The following DHRS3 variants were observed in gnomAD, a reference collection of about 807,000 sequenced individuals.
The protein encoded by DHRS3 is short-chain dehydrogenase/reductase 3.
In DHRS3, 14 loss-of-function variants were observed where a neutral mutation model predicts 27.2. That is an observed-to-expected ratio of 0.52 (90% confidence interval 0.34 to 0.81). The LOEUF (loss-of-function observed/expected upper bound fraction) is 0.81, where lower values mean the gene tolerates loss of function less well. DHRS3 is among the 30% of genes least tolerant of loss of function. DHRS3 has a pLI of 0.01. For synonymous variants in DHRS3, 165 were observed against 175.9 expected, an observed-to-expected ratio of 0.94 and a Z score of 0.49; for missense variants, 322 against 406.2, an observed-to-expected ratio of 0.79 and a Z score of 1.78.
intron 1 of DHRS3, among the ~76,000 whole-genome samples, chr1:12,588,126 T>C (rs903593111): frequency 4.6e-5 from 7 of 152,222 alleles, no homozygotes; most frequent in African/African-American, 1.7e-4. Flanking sequence ...CGGCCCGGGC[T>C]GTTTTTCTCT....
chr1:12,601,215 C>G (rs1044072341), intron 1 of DHRS3, among the ~76,000 whole-genome samples: 5 of 152,102 alleles, frequency 3.3e-5, no homozygotes, highest in Non-Finnish European at 1.5e-5. Context: ...ACTCCCAAAC[C>G]CTATGGCTTG....
intron 2 of DHRS3, 140 bp from the exon 3 acceptor site, chr1:12,579,552 T>C (rs1646625919): frequency 1.2e-5 from 15 of 1,293,696 alleles, no homozygotes; most frequent in African/African-American, 1.5e-5. Flanking sequence ...CTCGGCTCAC[T>C]GCCACCTCCG....
chr1:12,580,398 G>T, intron 2 of DHRS3, 125 bp downstream of exon 2: 1 of 1,369,218 alleles, frequency 7.3e-7, no homozygotes, highest in Non-Finnish European at 1.0e-6. Context: ...GTCCCCAAAG[G>T]TGCCCCGGGC....
intron 4 of DHRS3, among the ~76,000 whole-genome samples, chr1:12,577,749 G>A (rs997017735): frequency 6.6e-6 from 1 of 152,196 alleles, no homozygotes; most frequent in Non-Finnish European, 1.5e-5. Flanking sequence ...CTTGAACCCA[G>A]GAGGTGGAGG....
chr1:12,595,346 G>C (rs761512971), intron 1 of DHRS3, among the ~76,000 whole-genome samples: 52 of 152,132 alleles, frequency 3.4e-4, no homozygotes, highest in Non-Finnish European at 6.2e-4. Context: ...AAGCCTCAGC[G>C]GGTCGGGCAG....
In DHRS3 at chr1:12,617,562, G is replaced by C. The variant is rs1646953584; in HGVS notation, c.-214C>G. 1 of 451,128 alleles carries C rather than the reference G, an allele frequency of 2.2e-6. No homozygotes were observed. The highest frequency in any genetic ancestry group is 4.1e-5 in the Admixed American group (1 of 24,182). 27.9% of individuals were successfully genotyped at this position (451,128 alleles called of 1,614,324 possible). A position where few individuals can be genotyped will look rare whatever the true frequency, so the allele number is the denominator to read the frequency against. ...AAAAGATAAATTCTCCTCTGGGGGA[G>C]AAAAAGCGTCTCCTAAGGTTGGGAC... On this transcript the variant is annotated 5_prime_UTR_variant, in exon 1 of 6. Transcript: ENST00000616661.
At position 12,617,753 on chromosome 1, in the gene DHRS3, C is replaced by T. The variant is rs1221798185; in HGVS notation, c.-405G>A. 1 of 134,094 alleles carries T rather than the reference C, an allele frequency of 7.5e-6. No homozygotes were observed. The highest frequency in any genetic ancestry group is 2.9e-5 in the African/African-American group (1 of 34,210). The allele number at this position is 134,094 out of a possible 1,614,324, so 8.3% of individuals were successfully genotyped here. On this transcript the variant is annotated 5_prime_UTR_variant, in exon 1 of 6. It adds an upstream start codon to the 5' untranslated region. Coordinates refer to ENST00000616661, the MANE Select transcript of DHRS3 (RefSeq NM_004753.7). ...AAAAGGCACCAACCACACGCGCGCA[C>T]CCTGCCTCGGTCCCGCGGTTTCAAA...
rs1646750340 is a variant in DHRS3 at position 12,591,963 on chromosome 1, C to T, written c.196-11297G>A. ...AGGCATGGCAGAGATGTTCCTTGCC[C>T]CTCTGCGAGGACACTGGGGCTCTGA... On this transcript the variant is annotated intron_variant, in intron 1 of 5. Coordinates refer to ENST00000616661, the MANE Select transcript of DHRS3 (RefSeq NM_004753.7). This position sits in a 1 kb window ranked among gnomAD's most constrained non-coding sequence, Gnocchi z 4.1. Among the ~76,000 whole-genome samples, 1 of 152,126 alleles carries T rather than the reference C, an allele frequency of 6.6e-6. No individual in the cohort carries two copies. The highest frequency in any genetic ancestry group is 1.5e-5 in the Non-Finnish European group (1 of 68,032).
At chr1:12,609,307 T>A (rs1646891347) in intron 1 of DHRS3, among the ~76,000 whole-genome samples, 1 of 152,126 alleles carries the variant, frequency 6.6e-6, no homozygotes, top group Non-Finnish European at 1.5e-5. Context: ...CTCAGAGCCG[T>A]GTCACCCTGA....
intron 1 of DHRS3, among the ~76,000 whole-genome samples, chr1:12,582,579 G>T (rs1646653276): frequency 6.6e-6 from 1 of 152,144 alleles, no homozygotes; most frequent in Non-Finnish European, 1.5e-5. Context: ...AGGAGAAGCT[G>T]GGAGGTTCAG....
Position 12,618,030 on chromosome 1 carries a change from G to T in DHRS3, c.-682C>A, listed in dbSNP as rs1365436830. On this transcript the variant is annotated 5_prime_UTR_variant, in exon 1 of 6. Coordinates refer to ENST00000616661, the MANE Select transcript of DHRS3 (RefSeq NM_004753.7). This position sits in a 1 kb window ranked among gnomAD's most constrained non-coding sequence, Gnocchi z 4.2. ...GGGGTCCGGGTGTCAGTTTCTTTAC[G>T]TGCAGCGCTCGCCCTCGCGCGCGCT... Among the ~76,000 whole-genome samples, 1 of 152,022 alleles carries T rather than the reference G, an allele frequency of 6.6e-6. No homozygotes were observed. The highest frequency in any genetic ancestry group is 1.5e-5 in the Non-Finnish European group (1 of 68,008).
chr1:12,580,833 T>C (rs2100662668), intron 1 of DHRS3, among the ~76,000 whole-genome samples, 167 bp from the exon 2 acceptor site: 1 of 151,994 alleles, frequency 6.6e-6, no homozygotes, highest in South Asian at 2.1e-4. Context: ...ATAACTTTTG[T>C]TTTTTTTGAG....
At chr1:12,609,596 G>A (rs1057361288) in intron 1 of DHRS3, among the ~76,000 whole-genome samples, 6 of 152,198 alleles carry the variant, frequency 3.9e-5, no homozygotes, top group African/African-American at 9.7e-5. Flanking sequence ...AGAAGGTGGC[G>A]AAGCAAGTCT....
chr1:12,598,147 G>A (rs185060263), intron 1 of DHRS3, among the ~76,000 whole-genome samples: 187 of 152,300 alleles, frequency 1.2e-3, no homozygotes, highest in Non-Finnish European at 1.2e-4. Context: ...CAGTGGACAT[G>A]GCAGCGTATG....
Position 12,596,308 on chromosome 1 carries a change from C to A in DHRS3, c.196-15642G>T, listed in dbSNP as rs188140755. 4.7e-3 allele frequency: 710 copies of A among 152,260 alleles called. 3 individuals carry two copies. The highest frequency in any genetic ancestry group is 5.8e-3 in the Non-Finnish European group (397 of 68,024). 9.4% of individuals were successfully genotyped at this position (152,260 alleles called of 1,614,324 possible). On this transcript the variant is annotated intron_variant, in intron 1 of 5. Coordinates refer to ENST00000616661, the MANE Select transcript of DHRS3 (RefSeq NM_004753.7). ...CCTCTAGGGTCTCTGTCTCCGCTTC[C>A]CCGAGAAGCCTCTAAACCCGAGGGC...
intron 4 of DHRS3, among the ~76,000 whole-genome samples, chr1:12,573,729 A>G (rs1441337824): frequency 6.6e-6 from 1 of 152,236 alleles, no homozygotes; most frequent in Non-Finnish European, 1.5e-5. Flanking sequence ...GAATGATTGC[A>G]TAAGCAAACA....
At chr1:12,609,244 C>T (rs1036383411) in intron 1 of DHRS3, among the ~76,000 whole-genome samples, 16 of 152,198 alleles carry the variant, frequency 1.1e-4, no homozygotes, top group African/African-American at 3.4e-4. Flanking sequence ...CCTGCCGCAT[C>T]TCCAAGGCCT....
rs112021323 is a variant in DHRS3 at position 12,603,839 on chromosome 1, G to GT, written c.195+13314dup. The stretch of plus-strand genomic sequence containing the variant: ...GTGGCCTTCACCAGGCTGACCATTG[G>GT]TGGCCTTAAGCACCAAGCCACACAT... On this transcript the variant is annotated intron_variant, in intron 1 of 5. Transcript: ENST00000616661. Among the ~76,000 whole-genome samples the GT allele has an allele frequency of 9.1e-3, 1,386 of 152,296 alleles. 28 individuals carry two copies. Among genetic ancestry groups the GT allele is most frequent in the African/African-American group, 0.03 (1,264 of 41,562 alleles).
At chr1:12,579,471 A>G (rs1340664546) in intron 2 of DHRS3, 59 bp from the exon 3 acceptor site, 21 of 1,583,386 alleles carry the variant, frequency 1.3e-5, no homozygotes, top group Non-Finnish European at 1.8e-5. Flanking sequence ...CCAACGATAT[A>G]TGTTTTTTGT....
Sources: gnomAD v4.1 joint callset for allele counts (sites outside exome capture counted in the v4.1 genomes callset) on GRCh38, gnomAD v4.1.1 for gene constraint, Gnocchi (gnomAD v3.1) non-coding constraint, MANE v1.5 for transcripts, NCBI Gene and HGNC (gene_info 2026-07-23, HGNC 2026-07-21) for gene names.